Variants in TAFA2 observed in about 807,000 individuals in gnomAD.
TAFA2 encodes TAFA chemokine like family member 2, also known as chemokine-like protein TAFA-2.
TAFA2 carries 7 observed loss-of-function variants against 18.8 expected under a neutral mutation model. That is an observed-to-expected ratio of 0.37 (90% CI 0.21 to 0.70). TAFA2 has a LOEUF of 0.70. Ranked by LOEUF, TAFA2 falls within the 30% of genes least tolerant of loss-of-function variation. The pLI is 0.53. For missense variants in TAFA2, 122 were observed against 158.1 expected, an observed-to-expected ratio of 0.77 and a Z score of 1.23; for synonymous variants, 60 against 54.2, an observed-to-expected ratio of 1.11 and a Z score of -0.47.
At chr12:61,834,661 A>G (rs140705213) in intron 2 of TAFA2, among the ~76,000 whole-genome samples, 332 of 152,148 alleles carry the variant, frequency 2.2e-3, no homozygotes, top group African/African-American at 7.5e-3. Flanking sequence ...ATGGGAGACT[A>G]TCCTAATTAG....
intron 1 of TAFA2, among the ~76,000 whole-genome samples, chr12:62,155,550 A>G (rs1453707960): frequency 2.6e-5 from 4 of 152,174 alleles, no homozygotes; most frequent in Non-Finnish European, 5.9e-5. Context: ...AAACTATACT[A>G]TAAGGCCATA....
chr12:62,178,712 A>G (rs535719536), intron 1 of TAFA2, among the ~76,000 whole-genome samples: 42 of 152,230 alleles, frequency 2.8e-4, no homozygotes, highest in Non-Finnish European at 4.9e-4. Flanking sequence ...TGGAACCCAT[A>G]TCTTTTATAA....
At chr12:62,154,368 G>C (rs2062353577) in intron 1 of TAFA2, among the ~76,000 whole-genome samples, 1 of 152,124 alleles carries the variant, frequency 6.6e-6, no homozygotes, top group South Asian at 2.1e-4. Flanking sequence ...TCAGAGTCAG[G>C]CTTCCACTAA....
intron 1 of TAFA2, among the ~76,000 whole-genome samples, chr12:62,222,107 GA>G (rs1469180027): frequency 6.6e-6 from 1 of 152,200 alleles, no homozygotes; most frequent in Non-Finnish European, 1.5e-5. Flanking sequence ...TTCTGTGATA[GA>G]GGGGTGAAGA....
chr12:62,204,302 A>C (rs1186557257), intron 1 of TAFA2, among the ~76,000 whole-genome samples: 1 of 151,942 alleles, frequency 6.6e-6, no homozygotes, highest in Non-Finnish European at 1.5e-5. Context: ...GGAGAATCTG[A>C]TGATTATGTG....
At chr12:62,109,990 C>T (rs1869646963) in intron 1 of TAFA2, among the ~76,000 whole-genome samples, 1 of 152,134 alleles carries the variant, frequency 6.6e-6, no homozygotes, top group African/African-American at 2.4e-5. Flanking sequence ...TGCCTGGTTG[C>T]CCTGGCCAGA....
rs1377766444 is a variant in TAFA2 at position 61,891,994 on chromosome 12, T to C, written c.-1-24568A>G. ...ATTAAAAAGTGCTGCTGCATAGACTTGTAGGGGGTAAATGTAGCAGAAGTA... is the reference window on the plus strand; with the variant it reads ...ATTAAAAAGTGCTGCTGCATAGACTCGTAGGGGGTAAATGTAGCAGAAGTA... On this transcript the variant is annotated intron_variant, in intron 1 of 4. Transcript: ENST00000416284. 9.3e-5 allele frequency among the ~76,000 whole-genome samples: 14 copies of C among 150,280 alleles called. No homozygotes were observed. The Admixed American group carries it at 9.4e-4, about 10-fold the overall frequency.
intron 1 of TAFA2, chr12:62,235,132 C>T: frequency 1.5e-6 from 1 of 648,822 alleles, no homozygotes; most frequent in Non-Finnish European, 2.9e-6. Flanking sequence ...ATCTGGGGCC[C>T]ACTGAAAATC....
chr12:62,229,894 C>T (rs1277566874), intron 1 of TAFA2, among the ~76,000 whole-genome samples: 4 of 151,736 alleles, frequency 2.6e-5, no homozygotes, highest in Admixed American at 6.6e-5. Flanking sequence ...TAAATTATTG[C>T]TTTGATTTCA....
chr12:61,790,412 G>A (rs1870927252), intron 2 of TAFA2, among the ~76,000 whole-genome samples: 1 of 151,790 alleles, frequency 6.6e-6, no homozygotes, highest in African/African-American at 2.4e-5. Flanking sequence ...AAATCAGAAA[G>A]AAGAAAGTCA....
intron 2 of TAFA2, among the ~76,000 whole-genome samples, chr12:61,848,521 T>C (rs915040336): frequency 6.6e-6 from 1 of 152,178 alleles, no homozygotes; most frequent in Non-Finnish European, 1.5e-5. Context: ...AGTTTAAAAG[T>C]TGTACATAAG....
At chr12:61,983,146 G>A (rs948470561) in intron 1 of TAFA2, among the ~76,000 whole-genome samples, 3 of 152,134 alleles carry the variant, frequency 2.0e-5, no homozygotes, top group African/African-American at 7.2e-5. Flanking sequence ...GCTATACAGT[G>A]CTGGAATATG....
At chr12:62,122,135 T>C (rs1592349339) in intron 1 of TAFA2, among the ~76,000 whole-genome samples, 1 of 152,184 alleles carries the variant, frequency 6.6e-6, no homozygotes, top group South Asian at 2.1e-4. Flanking sequence ...GTTTAATACC[T>C]GGGTGATGAA....
At chr12:61,738,553 C>A (rs572552425) in intron 4 of TAFA2, among the ~76,000 whole-genome samples, 2 of 152,100 alleles carry the variant, frequency 1.3e-5, no homozygotes, top group South Asian at 4.1e-4. Context: ...TGCTGAAAAC[C>A]CAATGTCTGA....
At chr12:62,169,726 C>T (rs1348129085) in intron 1 of TAFA2, among the ~76,000 whole-genome samples, 1 of 151,790 alleles carries the variant, frequency 6.6e-6, no homozygotes, top group Non-Finnish European at 1.5e-5. Flanking sequence ...TGGTGAGTGC[C>T]TGAAGACCAA....
intron 1 of TAFA2, among the ~76,000 whole-genome samples, chr12:62,020,009 C>A (rs1292107917): frequency 3.3e-5 from 5 of 152,098 alleles, no homozygotes; most frequent in Admixed American, 3.3e-4. Flanking sequence ...AAGACAGTCT[C>A]ATCATTCAGA....
At chr12:62,213,952 A>G (rs2062723868) in intron 1 of TAFA2, among the ~76,000 whole-genome samples, 1 of 152,202 alleles carries the variant, frequency 6.6e-6, no homozygotes, top group South Asian at 2.1e-4. Flanking sequence ...AAACTATTAA[A>G]CACAGAGATA....
intron 1 of TAFA2, among the ~76,000 whole-genome samples, chr12:61,979,955 A>G (rs1166339393): frequency 2.0e-5 from 3 of 152,176 alleles, no homozygotes; most frequent in Non-Finnish European, 4.4e-5. Context: ...GGCAAGATTT[A>G]CCAGTGCTGT....
chr12:61,780,821 T>C (rs940296909), intron 2 of TAFA2, among the ~76,000 whole-genome samples: 1 of 151,790 alleles, frequency 6.6e-6, no homozygotes, highest in South Asian at 2.1e-4. Flanking sequence ...GCAATAGTCT[T>C]CACTTATATT....
Sources: gnomAD v4.1 joint callset for allele counts (sites outside exome capture counted in the v4.1 genomes callset) on GRCh38, gnomAD v4.1.1 for gene constraint, MANE v1.5 for transcripts, NCBI Gene and HGNC (gene_info 2026-07-23, HGNC 2026-07-21) for gene names.